Variants in MAMDC2 observed in about 807,000 individuals in gnomAD.
MAMDC2 encodes MAM domain containing 2, also known as MAM domain-containing protein 2.
Under a neutral mutation model 89.8 loss-of-function variants are expected in MAMDC2, and 57 were observed. The observed-to-expected ratio is 0.63, with a 90% CI of 0.51 to 0.79. MAMDC2 has a LOEUF of 0.79. Ranked by LOEUF, MAMDC2 falls within the 30% of genes least tolerant of loss-of-function variation. The pLI is 0.00. For missense variants in MAMDC2, 800 were observed against 820.6 expected (o/e 0.97, Z 0.31); for synonymous variants, 313 against 293.4 (o/e 1.07, Z -0.68).
At chr9:70,200,355 T>C (rs368973376) in intron 11 of MAMDC2, among the ~76,000 whole-genome samples, 9,882 of 146,366 alleles carry the variant, frequency 0.068, 524 homozygotes, top group East Asian at 0.22. Flanking sequence ...AAAGATCAGA[T>C]AGTTGTAGGT....
At chr9:70,125,667 T>C (rs909738296) in intron 5 of MAMDC2, among the ~76,000 whole-genome samples, 1 of 152,210 alleles carries the variant, frequency 6.6e-6, no homozygotes, top group Non-Finnish European at 1.5e-5. Flanking sequence ...AAACACATGG[T>C]GACATCTTGC....
At chr9:70,165,832 TAG>T (rs1172314679) in intron 9 of MAMDC2, among the ~76,000 whole-genome samples, 41 of 152,348 alleles carry the variant, frequency 2.7e-4, no homozygotes, top group African/African-American at 9.4e-4. Context: ...TTAATTTTAA[TAG>T]ACACATGTAC....
At chr9:70,203,345 G>C (rs2033147542) in intron 11 of MAMDC2, among the ~76,000 whole-genome samples, 1 of 144,512 alleles carries the variant, frequency 6.9e-6, no homozygotes, top group South Asian at 2.3e-4. Context: ...GAAATTCTGG[G>C]TTGAAAATTC....
chr9:70,166,506 T>G (rs1450984001), intron 9 of MAMDC2, among the ~76,000 whole-genome samples: 1 of 152,082 alleles, frequency 6.6e-6, no homozygotes, highest in Non-Finnish European at 1.5e-5. Context: ...TTTATTTAGT[T>G]TTTTCACTTA....
intron 6 of MAMDC2, among the ~76,000 whole-genome samples, chr9:70,127,075 TCTA>T (rs558249919): frequency 2.0e-3 from 307 of 152,330 alleles, no homozygotes; most frequent in African/African-American, 7.1e-3. Context: ...ACATTAAAGT[TCTA>T]CTATCTTTTC....
intron 2 of MAMDC2, among the ~76,000 whole-genome samples, chr9:70,066,972 C>G (rs1199405798): frequency 6.6e-6 from 1 of 152,074 alleles, no homozygotes; most frequent in Non-Finnish European, 1.5e-5. Flanking sequence ...AAGCAAACCC[C>G]AAGGAGATTA....
intron 5 of MAMDC2, chr9:70,113,958 C>T (rs1828576377): frequency 6.6e-6 from 1 of 152,066 alleles, no homozygotes; most frequent in African/African-American, 2.4e-5. Flanking sequence ...GTAATATACT[C>T]ATCCTAATAA....
chr9:70,198,861 C>T (rs2033033944), intron 11 of MAMDC2, among the ~76,000 whole-genome samples: 1 of 151,976 alleles, frequency 6.6e-6, no homozygotes, highest in East Asian at 1.9e-4. Context: ...TAAAAGTTTG[C>T]TATGAGACAA....
At chr9:70,054,974 A>G (rs1826995533) in intron 2 of MAMDC2, among the ~76,000 whole-genome samples, 1 of 152,134 alleles carries the variant, frequency 6.6e-6, no homozygotes. Context: ...GCATTTTGGG[A>G]GGCTGAGGTG....
chr9:70,070,378 C>T (rs971912442), intron 2 of MAMDC2, among the ~76,000 whole-genome samples: 2 of 152,126 alleles, frequency 1.3e-5, no homozygotes, highest in Non-Finnish European at 2.9e-5. Context: ...GAGGAATCAC[C>T]CTCTTTTTTG....
intron 12 of MAMDC2, among the ~76,000 whole-genome samples, chr9:70,220,350 C>T (rs142222618): frequency 2.0e-5 from 3 of 152,230 alleles, no homozygotes; most frequent in East Asian, 1.9e-4. Context: ...TGCAGAATCG[C>T]CCTGGAGACT....
At chr9:70,183,895 G>A (rs1196578310) in intron 11 of MAMDC2, among the ~76,000 whole-genome samples, 1 of 152,008 alleles carries the variant, frequency 6.6e-6, no homozygotes, top group Non-Finnish European at 1.5e-5. Context: ...ATTTGATTCT[G>A]TCATTGTGTG....
In MAMDC2 at chr9:70,226,610, G is replaced by T. The variant is rs2033642885; in HGVS notation, c.*578G>T. 1 of 152,432 alleles carries T rather than the reference G, an allele frequency of 6.6e-6. No homozygotes were observed. Among genetic ancestry groups the T allele is most frequent in the South Asian group, 2.1e-4 (1 of 4,820 alleles). 9.4% of individuals were successfully genotyped at this position (152,432 alleles called of 1,614,324 possible). A position where few individuals can be genotyped will look rare whatever the true frequency, so the allele number is the denominator to read the frequency against. ...TATGTGATAACAAAGGATCTTTCAT[G>T]AATGTCCAAGGGTAAGTCAGTATTA... On this transcript the variant is annotated 3_prime_UTR_variant, in exon 14 of 14. Transcript: ENST00000377182.
chr9:70,165,586 C>A (rs1035901141), intron 9 of MAMDC2, among the ~76,000 whole-genome samples: 3 of 152,192 alleles, frequency 2.0e-5, no homozygotes, highest in African/African-American at 7.2e-5. Flanking sequence ...TAAGGTAGAA[C>A]AACCTAGACG....
At chr9:70,076,420 CAAA>C (rs747236748) in intron 2 of MAMDC2, among the ~76,000 whole-genome samples, 1 of 124,752 alleles carries the variant, frequency 8.0e-6, no homozygotes, top group Non-Finnish European at 1.7e-5. Flanking sequence ...GACTCTGCCT[CAAA>C]AAAAAAAAAA....
intron 2 of MAMDC2, among the ~76,000 whole-genome samples, chr9:70,093,117 T>C (rs916771246): frequency 1.3e-5 from 2 of 152,190 alleles, no homozygotes; most frequent in East Asian, 1.9e-4. Flanking sequence ...ATCTGTACTA[T>C]AGTGAAATTT....
At chr9:70,061,049 T>A (rs1827139357) in intron 2 of MAMDC2, among the ~76,000 whole-genome samples, 1 of 152,210 alleles carries the variant, frequency 6.6e-6, no homozygotes, top group Non-Finnish European at 1.5e-5. Context: ...TGCATCCTTA[T>A]GCAAATGCAC....
chr9:70,196,764 C>T (rs1232995168), intron 11 of MAMDC2, among the ~76,000 whole-genome samples: 1 of 152,030 alleles, frequency 6.6e-6, no homozygotes, highest in Non-Finnish European at 1.5e-5. Flanking sequence ...CATGGAACGA[C>T]AGATGAACTC....
chr9:70,213,452 G>T (rs968299666), intron 11 of MAMDC2, among the ~76,000 whole-genome samples: 1 of 152,054 alleles, frequency 6.6e-6, no homozygotes, highest in Non-Finnish European at 1.5e-5. Flanking sequence ...ATGTATTAGG[G>T]TATTGTTTCC....
Sources: allele counts gnomAD v4.1 joint callset (sites outside exome capture counted in the v4.1 genomes callset), GRCh38; gene constraint gnomAD v4.1.1; transcripts MANE v1.5; gene names NCBI Gene and HGNC (gene_info 2026-07-23, HGNC 2026-07-21).